Variants in FBXO11 observed in about 807,000 individuals in gnomAD.
FBXO11 encodes F-box only protein 11.
A neutral mutation model predicts 117.0 loss-of-function variants in FBXO11; 13 were observed. That is an observed-to-expected ratio of 0.11 (90% CI 0.07 to 0.18). The LOEUF (loss-of-function observed/expected upper bound fraction) is 0.18. FBXO11 is among the 10% of genes least tolerant of loss of function. FBXO11 has a pLI of 1.00. For missense variants in FBXO11, 767 were observed against 1,164.4 expected (o/e 0.66, Z 4.97); for synonymous variants, 490 against 380.5 (o/e 1.29, Z -3.35).
intron 1 of FBXO11, among the ~76,000 whole-genome samples, chr2:47,857,555 A>G (rs1674403982): frequency 6.6e-6 from 1 of 152,208 alleles, no homozygotes; most frequent in Non-Finnish European, 1.5e-5. Flanking sequence ...ATAGAAGCTT[A>G]GAAAATCAAT....
At chr2:47,852,640 T>C (rs1673959589) in intron 1 of FBXO11, among the ~76,000 whole-genome samples, 1 of 152,210 alleles carries the variant, frequency 6.6e-6, no homozygotes, top group Non-Finnish European at 1.5e-5. Flanking sequence ...TAAAACTTTA[T>C]TGTATCAATA....
chr2:47,836,920 T>A, intron 4 of FBXO11: 1 of 378,408 alleles, frequency 2.6e-6, no homozygotes, highest in South Asian at 1.9e-5. Flanking sequence ...TTTTTTTTTG[T>A]AGAAATGAGG....
At chr2:47,868,392 G>A (rs983051589) in intron 1 of FBXO11, among the ~76,000 whole-genome samples, 7 of 151,780 alleles carry the variant, frequency 4.6e-5, no homozygotes, top group African/African-American at 1.7e-4. Context: ...ATATGCCACA[G>A]TGTGGGCCTT....
Position 47,905,785 on chromosome 2 carries a change from G to A in FBXO11, c.-65C>T, listed in dbSNP as rs561710870. ...ACACGCACACGCACAGCGAGCTTCG[G>A]GGCAGGAGAAAGGGGTGGGGAGAGT... is the stretch of plus-strand genomic sequence containing the variant. On this transcript the variant is annotated 5_prime_UTR_variant, in exon 1 of 23. Transcript: ENST00000403359. 4.7e-4 allele frequency: 683 copies of A among 1,459,986 alleles called. No homozygotes were observed. The highest frequency in any genetic ancestry group is 1.5e-3 in the East Asian group (48 of 32,820). The allele number at this position is 1,459,986 out of a possible 1,614,324, so 90.4% of individuals were successfully genotyped here. A position where few individuals can be genotyped will look rare whatever the true frequency, so the allele number is the denominator to read the frequency against.
intron 11 of FBXO11, among the ~76,000 whole-genome samples, chr2:47,823,710 G>A (rs775143049): frequency 1.8e-4 from 27 of 151,944 alleles, no homozygotes; most frequent in South Asian, 6.2e-4. Flanking sequence ...CCGAGATTGC[G>A]CCACTGCACT....
At chr2:47,855,259 G>A (rs531951792) in intron 1 of FBXO11, among the ~76,000 whole-genome samples, 25 of 151,210 alleles carry the variant, frequency 1.7e-4, no homozygotes, top group African/African-American at 5.6e-4. Context: ...AGACTGCAGT[G>A]GCATGATCAC....
intron 4 of FBXO11, chr2:47,837,138 T>G (rs1326090281): frequency 1.1e-5 from 2 of 180,326 alleles, no homozygotes; most frequent in African/African-American, 2.4e-5. Context: ...CAAACTGGAG[T>G]AATGGCTAAC....
At chr2:47,831,379 C>T (rs1213557947) in intron 11 of FBXO11, among the ~76,000 whole-genome samples, 1 of 147,872 alleles carries the variant, frequency 6.8e-6, no homozygotes, top group African/African-American at 2.5e-5. Flanking sequence ...CACACCATTG[C>T]CATTGCACTC....
Position 47,806,953 on chromosome 2 carries a change from A to C in FBXO11, c.*1165T>G. The C allele has an allele frequency of 1.0e-6, 1 of 990,120 alleles. No individual in the cohort carries two copies. Among genetic ancestry groups the C allele is most frequent in the Non-Finnish European group, 1.6e-6 (1 of 636,700 alleles). The allele number at this position is 990,120 out of a possible 1,614,324, so 61.3% of individuals were successfully genotyped here. A position where few individuals can be genotyped will look rare whatever the true frequency, so the allele number is the denominator to read the frequency against. ...TAATAAACTTTATTTTTTAAAAATG[A>C]CCATTTTTCCATTTTCTTTCTAGGA... On this transcript the variant is annotated 3_prime_UTR_variant, in exon 23 of 23. Coordinates refer to ENST00000403359, the MANE Select transcript of FBXO11 (RefSeq NM_001190274.2).
chr2:47,900,541 G>C (rs754699365), intron 1 of FBXO11, among the ~76,000 whole-genome samples: 3 of 128,404 alleles, frequency 2.3e-5, no homozygotes, highest in Non-Finnish European at 5.4e-5. Flanking sequence ...ACAGTGTCGA[G>C]AAAAAAGTAT....
intron 1 of FBXO11, among the ~76,000 whole-genome samples, chr2:47,881,089 T>C (rs534522845): frequency 2.0e-5 from 3 of 152,272 alleles, no homozygotes; most frequent in East Asian, 1.9e-4. Context: ...CCGTCTCTAC[T>C]AAAAATACAA....
chr2:47,905,358 C>T, intron 1 of FBXO11, 131 bp downstream of exon 1: 2 of 952,144 alleles, frequency 2.1e-6, no homozygotes, highest in Non-Finnish European at 1.3e-6. Flanking sequence ...GGGGACCCGC[C>T]TCCGCTCAGC....
intron 5 of FBXO11, among the ~76,000 whole-genome samples, chr2:47,835,105 T>C (rs1672450082): frequency 6.6e-6 from 1 of 152,206 alleles, no homozygotes; most frequent in Non-Finnish European, 1.5e-5. Flanking sequence ...TTAAGTCAGT[T>C]AATTCTTTGT....
intron 13 of FBXO11, 120 bp downstream of exon 13, chr2:47,822,098 A>T: frequency 1.4e-6 from 1 of 708,618 alleles, no homozygotes. Context: ...TAAAAAAGAA[A>T]AAAATTAAAG....
chr2:47,842,044 C>G (rs1372682245), intron 1 of FBXO11, among the ~76,000 whole-genome samples: 8 of 147,710 alleles, frequency 5.4e-5, no homozygotes, highest in Admixed American at 4.7e-4. Context: ...GAGACAGAGT[C>G]TCGCCCTGTT....
chr2:47,844,314 G>A (rs1164396819), intron 1 of FBXO11, among the ~76,000 whole-genome samples: 10 of 152,092 alleles, frequency 6.6e-5, no homozygotes, highest in African/African-American at 2.2e-4. Context: ...GTTCTTGAGT[G>A]AGCATTTGAC....
At chr2:47,902,252 T>C (rs554454036) in intron 1 of FBXO11, among the ~76,000 whole-genome samples, 2 of 152,302 alleles carry the variant, frequency 1.3e-5, no homozygotes, top group East Asian at 3.9e-4. Flanking sequence ...ACAATTCTAC[T>C]AGTACATGAA....
chr2:47,877,842 G>A (rs1478040624), intron 1 of FBXO11, among the ~76,000 whole-genome samples: 2 of 152,104 alleles, frequency 1.3e-5, no homozygotes, highest in Admixed American at 6.5e-5. Context: ...GTGCCAACAC[G>A]CCCAGCTAAT....
At position 47,901,109 on chromosome 2, in the gene FBXO11, ATATG is replaced by A. The variant is rs1278456027; in HGVS notation, c.232+4376_232+4379del. ...TACATATATATACATATATATGTAT[ATATG>A]TACACACGTGTGTACATGTATATAT... On this transcript the variant is annotated intron_variant, in intron 1 of 22. Coordinates refer to ENST00000403359, the MANE Select transcript of FBXO11 (RefSeq NM_001190274.2). Among the ~76,000 whole-genome samples, 737 of 112,016 alleles carry A rather than the reference ATATG, an allele frequency of 6.6e-3. 14 individuals are homozygous for A. Among genetic ancestry groups the A allele is most frequent in the African/African-American group, 0.02 (644 of 31,902 alleles). The allele number at this position is 112,016 out of a possible 152,430, so 73.5% of individuals were successfully genotyped here.
Sources: allele counts gnomAD v4.1 joint callset (sites outside exome capture counted in the v4.1 genomes callset), GRCh38; gene constraint gnomAD v4.1.1; transcripts MANE v1.5; gene names NCBI Gene and HGNC (gene_info 2026-07-23, HGNC 2026-07-21).